The following CRLF3 variants were observed in gnomAD, a reference collection of about 807,000 sequenced individuals.
CRLF3 encodes cytokine receptor-like factor 3.
A neutral mutation model predicts 55.0 loss-of-function variants in CRLF3; 33 were observed. The observed-to-expected ratio is 0.60, with a 90% CI of 0.46 to 0.80. The LOEUF is 0.80. Ranked by LOEUF, CRLF3 falls within the 30% of genes least tolerant of loss-of-function variation. The probability of loss-of-function intolerance (pLI) is 0.00; values close to 1 mark genes in which losing one functional copy is unlikely to be tolerated. For synonymous variants in CRLF3, 238 were observed against 196.8 expected, an observed-to-expected ratio of 1.21 and a Z score of -1.75; for missense variants, 494 against 538.4, an observed-to-expected ratio of 0.92 and a Z score of 0.82.
At chr17:30,801,837 C>T (rs1028106955) in intron 2 of CRLF3, among the ~76,000 whole-genome samples, 2 of 151,910 alleles carry the variant, frequency 1.3e-5, no homozygotes, top group Admixed American at 6.6e-5. Context: ...GATCCTGTCA[C>T]TCTGCTGCTT....
intron 6 of CRLF3, among the ~76,000 whole-genome samples, chr17:30,789,139 G>A (rs1971723780): frequency 6.6e-6 from 1 of 152,016 alleles, no homozygotes; most frequent in Non-Finnish European, 1.5e-5. Flanking sequence ...TGACAAAAAT[G>A]CAAAAGGCTG....
chr17:30,799,255 A>G (rs1369709225), intron 2 of CRLF3, among the ~76,000 whole-genome samples: 5 of 152,264 alleles, frequency 3.3e-5, no homozygotes, highest in Admixed American at 1.3e-4. Flanking sequence ...CCCAGGCAAC[A>G]GTGCAACACG....
rs775766885 is a variant in CRLF3 at position 30,784,326 on chromosome 17, CCTT to C, written c.1187_1189del (p.Glu396del). 5.6e-6 allele frequency: 9 copies of C among 1,614,108 alleles called. No individual in the cohort carries two copies. The South Asian group carries it at 7.7e-5, about 14-fold the overall frequency. Reference sequence around the variant, plus strand: ...AGTTACTCGAAGCTTGAAGTGTCCACCTTCATTATTACTGGTGGTTCCTAGAGT... The same window carrying C: ...AGTTACTCGAAGCTTGAAGTGTCCACCATTATTACTGGTGGTTCCTAGAGT... On this transcript the variant is annotated inframe_deletion, in exon 8 of 8. Coordinates refer to ENST00000324238, the MANE Select transcript of CRLF3 (RefSeq NM_015986.4).
intron 1 of CRLF3, among the ~76,000 whole-genome samples, chr17:30,805,622 G>A (rs992892082): frequency 6.6e-6 from 1 of 151,434 alleles, no homozygotes; most frequent in East Asian, 2.0e-4. Context: ...GCTGAGGCAG[G>A]AGAATCGGTT....
At position 30,808,749 on chromosome 17, in the gene CRLF3, A is replaced by T. The variant is rs184756103; in HGVS notation, c.130-4641T>A. 9.2e-3 allele frequency among the ~76,000 whole-genome samples: 1,396 copies of T among 151,080 alleles called. 10 individuals are homozygous for T. Among genetic ancestry groups the T allele is most frequent in the Admixed American group, 0.019 (285 of 15,160 alleles). On this transcript the variant is annotated intron_variant, in intron 1 of 7. Coordinates refer to ENST00000324238, the MANE Select transcript of CRLF3 (RefSeq NM_015986.4). ...CTGGGATTACAGGCATGCGCCACCA[A>T]GCCCAGCTAATTTTTTTGTATTTTT...
rs536426548 is a variant in CRLF3 at position 30,821,913 on chromosome 17, A to G, written c.129+2610T>C. Among the ~76,000 whole-genome samples the G allele has an allele frequency of 3.0e-4, 45 of 152,076 alleles. No homozygotes were observed. The South Asian group carries it at 8.9e-3, about 30-fold the overall frequency. On this transcript the variant is annotated intron_variant, in intron 1 of 7. Coordinates refer to ENST00000324238, the MANE Select transcript of CRLF3 (RefSeq NM_015986.4). Reference sequence around the variant, plus strand: ...GCATGACTTTTACGGTGTGTGAATTATATCTCAATAAAAAAAGTCACATGC... The same window carrying G: ...GCATGACTTTTACGGTGTGTGAATTGTATCTCAATAAAAAAAGTCACATGC...
chr17:30,783,088 G>C lies in CRLF3; in HGVS notation c.*1099C>G, dbSNP rs1260800105. 6.6e-6 allele frequency: 1 copy of C among 152,060 alleles called. No individual in the cohort carries two copies. Among genetic ancestry groups the C allele is most frequent in the African/African-American group, 2.4e-5 (1 of 41,380 alleles). 9.4% of individuals were successfully genotyped at this position (152,060 alleles called of 1,614,324 possible). A position where few individuals can be genotyped will look rare whatever the true frequency, so the allele number is the denominator to read the frequency against. On this transcript the variant is annotated 3_prime_UTR_variant, in exon 8 of 8. Coordinates refer to ENST00000324238, the MANE Select transcript of CRLF3 (RefSeq NM_015986.4). ...CTAAAAAGAGACCACTTATTAAACT[G>C]ACATTAAACTGGACTGCAGCTCATT... is the stretch of plus-strand genomic sequence containing the variant.
At chr17:30,799,173 T>C (rs1234788778) in intron 2 of CRLF3, among the ~76,000 whole-genome samples, 1 of 151,942 alleles carries the variant, frequency 6.6e-6, no homozygotes, top group Middle Eastern at 3.2e-3. Flanking sequence ...CTCGGGAGGC[T>C]GAGGCAGGAA....
At chr17:30,788,514 C>A (rs1413349679) in intron 6 of CRLF3, among the ~76,000 whole-genome samples, 1 of 150,830 alleles carries the variant, frequency 6.6e-6, no homozygotes, top group African/African-American at 2.4e-5. Context: ...CAGCCAGTAT[C>A]ACAGGTTTCT....
intron 6 of CRLF3, among the ~76,000 whole-genome samples, chr17:30,789,976 G>C (rs1038122609): frequency 6.6e-6 from 1 of 151,822 alleles, no homozygotes; most frequent in Non-Finnish European, 1.5e-5. Context: ...TAGTTAAATA[G>C]ATTTTAGGTA....
At chr17:30,807,175 C>T (rs1904433399) in intron 1 of CRLF3, among the ~76,000 whole-genome samples, 1 of 152,120 alleles carries the variant, frequency 6.6e-6, no homozygotes, top group Admixed American at 6.6e-5. Flanking sequence ...ACTTTGCTTT[C>T]TAGATATTAT....
At chr17:30,806,015 C>G (rs1322479599) in intron 1 of CRLF3, among the ~76,000 whole-genome samples, 1 of 151,782 alleles carries the variant, frequency 6.6e-6, no homozygotes, top group Non-Finnish European at 1.5e-5. Flanking sequence ...AGAGTGAGAC[C>G]CTGTCTCTAA....
At chr17:30,790,920 C>G (rs1567659405) in intron 6 of CRLF3, 1 of 149,522 alleles carries the variant, frequency 6.7e-6, no homozygotes, top group East Asian at 2.0e-4. Context: ...CCGGCCTATG[C>G]TTTTTTTCTT....
At chr17:30,788,144 C>T (rs562391753) in intron 6 of CRLF3, among the ~76,000 whole-genome samples, 19 of 151,242 alleles carry the variant, frequency 1.3e-4, no homozygotes, top group African/African-American at 3.6e-4. Flanking sequence ...CTGGCTAACA[C>T]GGTGAAACCC....
At chr17:30,822,218 T>G (rs1905020550) in intron 1 of CRLF3, among the ~76,000 whole-genome samples, 1 of 152,144 alleles carries the variant, frequency 6.6e-6, no homozygotes, top group Non-Finnish European at 1.5e-5. Context: ...TATTTTACAG[T>G]TATTCTGAAA....
At chr17:30,803,800 A>G (rs1972043548) in intron 2 of CRLF3, 101 bp downstream of exon 2, 1 of 903,506 alleles carries the variant, frequency 1.1e-6, no homozygotes, top group African/African-American at 1.6e-5. Flanking sequence ...TAAGTTCATT[A>G]AACCTCTTTC....
intron 5 of CRLF3, 131 bp from the exon 6 acceptor site, chr17:30,792,703 G>C: frequency 1.3e-6 from 1 of 741,980 alleles, no homozygotes; most frequent in Non-Finnish European, 2.2e-6. Flanking sequence ...TAAAATAAAA[G>C]ATTCCATTAA....
intron 1 of CRLF3, chr17:30,809,496 C>G (rs780247286): frequency 1.3e-5 from 2 of 152,134 alleles, no homozygotes; most frequent in Non-Finnish European, 2.9e-5. Context: ...TGGTTCCATG[C>G]GTTCACTGTT....
chr17:30,793,731 T>G, intron 4 of CRLF3, 59 bp from the exon 5 acceptor site: 2 of 1,281,192 alleles, frequency 1.6e-6, no homozygotes, highest in Non-Finnish European at 2.2e-6. Context: ...TCAGCATCAC[T>G]GCTTAAAAAT....
Sources: allele counts gnomAD v4.1 joint callset (sites outside exome capture counted in the v4.1 genomes callset), GRCh38; gene constraint gnomAD v4.1.1; transcripts MANE v1.5; gene names NCBI Gene and HGNC (gene_info 2026-07-23, HGNC 2026-07-21).